The following FHIP1A variants were observed in gnomAD, a reference collection of about 807,000 sequenced individuals.
The protein encoded by FHIP1A is FHF complex subunit HOOK interacting protein 1A.
In FHIP1A, 61 loss-of-function variants were observed where a neutral mutation model predicts 88.6. The observed-to-expected ratio is 0.69, with a 90% CI of 0.56 to 0.85. The LOEUF (loss-of-function observed/expected upper bound fraction) is 0.85. FHIP1A is among the 40% of genes least tolerant of loss of function. FHIP1A has a pLI of 0.00. For missense variants in FHIP1A, 1,154 were observed against 1,273.5 expected (o/e 0.91, Z 1.43); for synonymous variants, 478 against 496.0 (o/e 0.96, Z 0.48).
chr4:151,410,086 G>A (rs182204506), intron 1 of FHIP1A, among the ~76,000 whole-genome samples: 53 of 152,354 alleles, frequency 3.5e-4, no homozygotes, highest in African/African-American at 1.2e-3. Context: ...TAGGGAGTGG[G>A]AAGAACTACC....
chr4:151,458,462 A>C (rs567944639), intron 2 of FHIP1A, among the ~76,000 whole-genome samples: 38 of 152,178 alleles, frequency 2.5e-4, no homozygotes, highest in African/African-American at 9.2e-4. Context: ...TCTTTGGTAG[A>C]GGGTAAAGAA....
intron 7 of FHIP1A, among the ~76,000 whole-genome samples, chr4:151,622,820 A>T (rs138058945): frequency 5.2e-4 from 79 of 152,206 alleles, no homozygotes; most frequent in African/African-American, 1.8e-3. Flanking sequence ...GTTAATTATT[A>T]CCTCAGGACC....
intron 3 of FHIP1A, among the ~76,000 whole-genome samples, chr4:151,523,739 G>C (rs2126698962): frequency 6.6e-6 from 1 of 152,232 alleles, no homozygotes; most frequent in Non-Finnish European, 1.5e-5. Flanking sequence ...CTCAATATGT[G>C]TTTGGTAAGT....
At chr4:151,545,521 G>A (rs1006454400) in intron 3 of FHIP1A, among the ~76,000 whole-genome samples, 1 of 151,656 alleles carries the variant, frequency 6.6e-6, no homozygotes, top group Non-Finnish European at 1.5e-5. Context: ...GGGACTACAG[G>A]TGCCCACTGC....
chr4:151,435,567 C>T (rs959082000), intron 1 of FHIP1A, among the ~76,000 whole-genome samples: 2 of 151,982 alleles, frequency 1.3e-5, no homozygotes, highest in Non-Finnish European at 2.9e-5. Flanking sequence ...GCTGGATCAC[C>T]TGAGGTCAGG....
intron 1 of FHIP1A, among the ~76,000 whole-genome samples, chr4:151,410,503 A>G (rs1360107592): frequency 6.6e-6 from 1 of 152,246 alleles, no homozygotes; most frequent in Non-Finnish European, 1.5e-5. Flanking sequence ...TATATAGGTC[A>G]TTGAAAAATA....
At chr4:151,452,951 T>TATATATATATATATAC (rs1266623899) in intron 1 of FHIP1A, among the ~76,000 whole-genome samples, 109 of 119,402 alleles carry the variant, frequency 9.1e-4, no homozygotes, top group African/African-American at 3.0e-3. Flanking sequence ...TATATATATA[T>TATATATATATATATAC]ACATACACAC....
At chr4:151,456,449 T>A (rs1472049732) in intron 2 of FHIP1A, among the ~76,000 whole-genome samples, 1 of 152,126 alleles carries the variant, frequency 6.6e-6, no homozygotes, top group Non-Finnish European at 1.5e-5. Flanking sequence ...TCTCGGAAGA[T>A]GAAATGAAGG....
chr4:151,548,085 A>G (rs1299852517), intron 3 of FHIP1A, among the ~76,000 whole-genome samples: 1 of 152,100 alleles, frequency 6.6e-6, no homozygotes, highest in Admixed American at 6.6e-5. Context: ...ATGGCTACTA[A>G]GTGATATAAC....
At chr4:151,569,040 GGGGT>G (rs1464305648) in intron 4 of FHIP1A, among the ~76,000 whole-genome samples, 2 of 152,138 alleles carry the variant, frequency 1.3e-5, no homozygotes, top group Non-Finnish European at 2.9e-5. Context: ...TTGTTGGGCT[GGGGT>G]GGGTGAAGAG....
In FHIP1A at chr4:151,663,232, A is replaced by G. The variant is rs2126935400; in HGVS notation, c.*478A>G. The G allele has an allele frequency of 6.5e-6, 1 of 152,708 alleles. No homozygotes were observed. Among genetic ancestry groups the G allele is most frequent in the Non-Finnish European group, 1.5e-5 (1 of 68,328 alleles). 9.5% of individuals were successfully genotyped at this position (152,708 alleles called of 1,614,324 possible). A position where few individuals can be genotyped will look rare whatever the true frequency, so the allele number is the denominator to read the frequency against. On this transcript the variant is annotated 3_prime_UTR_variant, in exon 14 of 14. Transcript: ENST00000435205. The stretch of plus-strand genomic sequence containing the variant: ...GGCCTCTGTTCTATAAAGGAAGAGT[A>G]AAGATGGAGCTCCTCCTGCCTCCAT...
intron 3 of FHIP1A, among the ~76,000 whole-genome samples, chr4:151,543,924 G>C (rs1183306898): frequency 6.6e-6 from 1 of 152,148 alleles, no homozygotes; most frequent in African/African-American, 2.4e-5. Context: ...TACTTCTGTA[G>C]TGGAAAACTC....
At chr4:151,447,216 ATG>A in intron 1 of FHIP1A, among the ~76,000 whole-genome samples, 1 of 152,266 alleles carries the variant, frequency 6.6e-6, no homozygotes, top group Non-Finnish European at 1.5e-5. Flanking sequence ...AAGTGTGAAA[ATG>A]AACTCTGAAA....
intron 3 of FHIP1A, among the ~76,000 whole-genome samples, chr4:151,550,630 C>CTT (rs1732692316): frequency 6.6e-6 from 1 of 152,166 alleles, no homozygotes; most frequent in South Asian, 2.1e-4. Context: ...GGTTTGAAGG[C>CTT]TTGTACCATT....
intron 3 of FHIP1A, among the ~76,000 whole-genome samples, chr4:151,527,393 G>T (rs1330924342): frequency 6.6e-6 from 1 of 152,190 alleles, no homozygotes; most frequent in Non-Finnish European, 1.5e-5. Flanking sequence ...GCGTGGCGGC[G>T]CACACCTGCA....
chr4:151,535,551 A>G (rs1042539914), intron 3 of FHIP1A, among the ~76,000 whole-genome samples: 1 of 152,216 alleles, frequency 6.6e-6, no homozygotes, highest in African/African-American at 2.4e-5. Context: ...ATCTATGTGC[A>G]TATGTGTATG....
At chr4:151,612,120 C>T (rs1735344674) in intron 7 of FHIP1A, among the ~76,000 whole-genome samples, 1 of 152,184 alleles carries the variant, frequency 6.6e-6, no homozygotes, top group Admixed American at 6.5e-5. Context: ...CACATCATGT[C>T]AAGCTTGGAC....
chr4:151,570,254 T>C (rs1733548178), intron 4 of FHIP1A, among the ~76,000 whole-genome samples: 2 of 152,208 alleles, frequency 1.3e-5, no homozygotes, highest in Non-Finnish European at 2.9e-5. Context: ...TTCATCCCTC[T>C]GTGCCTTAGG....
At chr4:151,421,662 C>T (rs1231028167) in intron 1 of FHIP1A, among the ~76,000 whole-genome samples, 1 of 151,270 alleles carries the variant, frequency 6.6e-6, no homozygotes, top group Non-Finnish European at 1.5e-5. Flanking sequence ...GGAACCCTTC[C>T]CTCCCCCGAA....
Sources: gnomAD v4.1 joint callset for allele counts (sites outside exome capture counted in the v4.1 genomes callset) on GRCh38, gnomAD v4.1.1 for gene constraint, MANE v1.5 for transcripts, NCBI Gene and HGNC (gene_info 2026-07-23, HGNC 2026-07-21) for gene names.